AJAP1: variants seen among roughly 807,000 people sequenced by gnomAD.
The protein encoded by AJAP1 is adherens junctions associated protein 1, also known as adherens junction-associated protein 1.
Under a neutral mutation model 35.0 loss-of-function variants are expected in AJAP1, and 5 were observed. That is an observed-to-expected ratio of 0.14 (90% CI 0.07 to 0.30). The LOEUF (loss-of-function observed/expected upper bound fraction) is 0.30, where lower values mean the gene tolerates loss of function less well. AJAP1 is among the 10% of genes least tolerant of loss of function. The pLI is 1.00. For missense variants in AJAP1, 586 were observed against 571.0 expected (o/e 1.03, Z -0.27); for synonymous variants, 284 against 249.3 (o/e 1.14, Z -1.31).
chr1:4,712,007 C>G lies in AJAP1; in HGVS notation c.137C>G (p.Pro46Arg). Reference sequence around the variant, plus strand: ...CTGCCCGCCTGTGAGGCCCTGGGCCCGGGGCCGGAGTTCTGGCTCCTGCCG... The same window carrying G: ...CTGCCCGCCTGTGAGGCCCTGGGCCGGGGGCCGGAGTTCTGGCTCCTGCCG... ...VDLPACEALG[P>R]GPEFWLLPRS... The change falls in exon 2 of 6, where the codon CCG becomes CGG. Residue 46 changes from proline to arginine, a missense_variant. Pro to Arg is a moderately radical substitution (Grantham distance 103, BLOSUM62 -2). Transcript: ENST00000378191. 2.5e-6 allele frequency: 4 copies of G among 1,595,378 alleles called. No individual in the cohort carries two copies. The highest frequency in any genetic ancestry group is 3.4e-6 in the Non-Finnish European group (4 of 1,173,958).
intron 1 of AJAP1, chr1:4,711,117 G>A (rs1197298998): frequency 6.6e-6 from 1 of 152,246 alleles, no homozygotes; most frequent in African/African-American, 2.4e-5. Flanking sequence ...CAGACACTTC[G>A]CGTCAATAAA....
rs577932305 is a variant in AJAP1 at position 4,715,965 on chromosome 1, A to G, written c.829+3266A>G. Among the ~76,000 whole-genome samples, 5 of 152,380 alleles carry G rather than the reference A, an allele frequency of 3.3e-5. No homozygotes were observed. In the South Asian group the frequency reaches 6.2e-4, roughly 19 times the overall value. On this transcript the variant is annotated intron_variant, in intron 2 of 5. Transcript: ENST00000378191. ...TGGAGTTTTAGGAGGTGGATGAAAC[A>G]TCCATTAAGTGAGTTTTACCTGTCC... is the stretch of plus-strand genomic sequence containing the variant.
chr1:4,770,001 G>A (rs890611334), intron 3 of AJAP1, 61 bp downstream of exon 3: 16 of 1,441,536 alleles, frequency 1.1e-5, no homozygotes, highest in East Asian at 2.3e-5. Flanking sequence ...CCTGGGTGGT[G>A]AATACAGAAA....
At chr1:4,722,879 G>T (rs371702117) in intron 2 of AJAP1, among the ~76,000 whole-genome samples, 4 of 152,216 alleles carry the variant, frequency 2.6e-5, no homozygotes, top group East Asian at 3.9e-4. Context: ...ACAGGTCAGG[G>T]CATTGGGCTG....
intron 2 of AJAP1, among the ~76,000 whole-genome samples, chr1:4,735,055 G>A (rs1344470822): frequency 2.6e-5 from 4 of 152,340 alleles, no homozygotes; most frequent in Middle Eastern, 3.4e-3. Flanking sequence ...TGAGCTCCGC[G>A]TGCTTGGCGA....
In AJAP1 at chr1:4,654,789, C is replaced by T. The variant is rs146333216; in HGVS notation, c.-637C>T. ...CGCGCCTCTCGTGCCCGCCTCCTGCCAGTCTCCGGGCCGCGGCCGTCTGCA... is the reference window on the plus strand; with the variant it reads ...CGCGCCTCTCGTGCCCGCCTCCTGCTAGTCTCCGGGCCGCGGCCGTCTGCA... On this transcript the variant is annotated 5_prime_UTR_variant, in exon 1 of 6. Transcript: ENST00000378191. The surrounding 1 kb of genome is among the most constrained non-coding windows in gnomAD (Gnocchi z 5.1). 0.07 allele frequency: 10,480 copies of T among 150,200 alleles called. 432 individuals carry two copies. Among genetic ancestry groups the T allele is most frequent in the East Asian group, 0.19 (938 of 5,026 alleles). The allele number at this position is 150,200 out of a possible 1,614,324, so 9.3% of individuals were successfully genotyped here.
chr1:4,736,095 G>C (rs1640917372), intron 2 of AJAP1, among the ~76,000 whole-genome samples: 1 of 152,244 alleles, frequency 6.6e-6, no homozygotes, highest in African/African-American at 2.4e-5. Flanking sequence ...GGGTTGTCAG[G>C]AGAAAAAGTT....
At position 4,757,221 on chromosome 1, in the gene AJAP1, G is replaced by A. The variant is rs114003204; in HGVS notation, c.830-12632G>A. On this transcript the variant is annotated intron_variant, in intron 2 of 5. Transcript: ENST00000378191. ...TTCAGCACAGACCCCTCCCCTTTCC[G>A]CCTCCCCTGTCAGTGAGCTATGCCT... is the stretch of plus-strand genomic sequence containing the variant. 1.6e-3 allele frequency among the ~76,000 whole-genome samples: 237 copies of A among 152,180 alleles called. 1 individual carries two copies. The highest frequency in any genetic ancestry group is 3.4e-3 in the African/African-American group (141 of 41,522).
chr1:4,710,786 C>T (rs1640212498), intron 1 of AJAP1, among the ~76,000 whole-genome samples: 1 of 152,262 alleles, frequency 6.6e-6, no homozygotes, highest in Non-Finnish European at 1.5e-5. Context: ...GAAGAGGGAG[C>T]GTGGGCCTGG....
At chr1:4,675,031 C>T (rs1639333775) in intron 1 of AJAP1, among the ~76,000 whole-genome samples, 1 of 152,224 alleles carries the variant, frequency 6.6e-6, no homozygotes, top group Non-Finnish European at 1.5e-5. Context: ...GCCATGAAGC[C>T]CAGGAGGGCA....
rs750234725 is a variant in AJAP1 at position 4,655,506 on chromosome 1, G to A, written c.29+52G>A. On this transcript the variant is annotated intron_variant, in intron 1 of 5. Transcript: ENST00000378191. The surrounding 1 kb of genome is among the most constrained non-coding windows in gnomAD (Gnocchi z 6.9). ...CGTGTGGGCGCGTGGGTGCCAGGCT[G>A]GGCGGAAGCGGCGCTTTCCTCTATG... 2.8e-5 allele frequency: 44 copies of A among 1,545,780 alleles called. No homozygotes were observed. Among genetic ancestry groups the A allele is most frequent in the Non-Finnish European group, 3.8e-5 (43 of 1,142,730 alleles).
At chr1:4,712,846 GCCTGTA>G in intron 2 of AJAP1, 147 bp downstream of exon 2, 1 of 791,932 alleles carries the variant, frequency 1.3e-6, no homozygotes, top group Non-Finnish European at 1.8e-6. Context: ...GCTTGCACAT[GCCTGTA>G]GACTGGCAAA....
chr1:4,697,576 G>C (rs1305769909), intron 1 of AJAP1, among the ~76,000 whole-genome samples: 1 of 152,224 alleles, frequency 6.6e-6, no homozygotes, highest in Non-Finnish European at 1.5e-5. Context: ...CCTCTGTGCA[G>C]TTTCAAGGTG....
Position 4,734,208 on chromosome 1 carries a change from C to G in AJAP1, c.829+21509C>G, listed in dbSNP as rs573249301. 6.6e-6 allele frequency among the ~76,000 whole-genome samples: 1 copy of G among 152,318 alleles called. No individual in the cohort carries two copies. The highest frequency in any genetic ancestry group is 2.4e-5 in the African/African-American group (1 of 41,570). On this transcript the variant is annotated intron_variant, in intron 2 of 5. Transcript: ENST00000378191. The surrounding 1 kb of genome is among the most constrained non-coding windows in gnomAD (Gnocchi z 4.3). ...AGAGGCACCCGCTCAGATGCTCCTT[C>G]TTAGATGAAAGGAGTGCCTCAGCTG...
intron 1 of AJAP1, among the ~76,000 whole-genome samples, chr1:4,671,730 G>T (rs371004415): frequency 6.6e-6 from 1 of 152,270 alleles, no homozygotes; most frequent in Non-Finnish European, 1.5e-5. Context: ...TAATCTGAAA[G>T]GTATAGGCCC....
In AJAP1 at chr1:4,656,826, A is replaced by G. The variant is rs969332993; in HGVS notation, c.29+1372A>G. Among the ~76,000 whole-genome samples the G allele has an allele frequency of 1.3e-5, 2 of 152,180 alleles. No individual in the cohort carries two copies. Among genetic ancestry groups the G allele is most frequent in the African/African-American group, 4.8e-5 (2 of 41,440 alleles). On this transcript the variant is annotated intron_variant, in intron 1 of 5. Transcript: ENST00000378191. The surrounding 1 kb of genome is among the most constrained non-coding windows in gnomAD (Gnocchi z 5.7). ...TGGGATATTGGTCGGGCGTGAATCG[A>G]TAAGTGTGCTTGGGCTAGATAAGGT... is the stretch of plus-strand genomic sequence containing the variant.
chr1:4,672,405 C>G (rs561919331), intron 1 of AJAP1, among the ~76,000 whole-genome samples: 7 of 152,316 alleles, frequency 4.6e-5, no homozygotes, highest in Admixed American at 1.3e-4. Context: ...TTTGCATACA[C>G]TGTGCCCACA....
At chr1:4,700,850 G>T (rs368245532) in intron 1 of AJAP1, among the ~76,000 whole-genome samples, 7 of 152,310 alleles carry the variant, frequency 4.6e-5, no homozygotes. Context: ...GGGGCCCTTC[G>T]TGGGGCAGCT....
In AJAP1 at chr1:4,781,078, T is replaced by A. The variant is rs74051832; in HGVS notation, c.*60-1467T>A. 8.1e-3 allele frequency among the ~76,000 whole-genome samples: 1,235 copies of A among 152,216 alleles called. 23 individuals carry two copies. Among genetic ancestry groups the A allele is most frequent in the African/African-American group, 0.028 (1,183 of 41,536 alleles). On this transcript the variant is annotated intron_variant, in intron 5 of 5. Transcript: ENST00000378191. ...TGAGTAGACTCTGGCACACTGAGTC[T>A]CCTGGAGATGATCAGAGACGCAGTG...
Sources: gnomAD v4.1 joint callset for allele counts (sites outside exome capture counted in the v4.1 genomes callset) on GRCh38, gnomAD v4.1.1 for gene constraint, Gnocchi (gnomAD v3.1) non-coding constraint, MANE v1.5 for transcripts, NCBI Gene and HGNC (gene_info 2026-07-23, HGNC 2026-07-21) for gene names.